Variants in GABRA1 observed in about 807,000 individuals in gnomAD.
The protein encoded by GABRA1 is gamma-aminobutyric acid type A receptor subunit alpha1, also known as gamma-aminobutyric acid receptor subunit alpha-1.
In GABRA1, 9 loss-of-function variants were observed where a neutral mutation model predicts 48.9. That is an observed-to-expected ratio of 0.18 (90% CI 0.11 to 0.32). The LOEUF is 0.32. Ranked by LOEUF, GABRA1 falls within the 10% of genes least tolerant of loss-of-function variation. The pLI is 1.00. For missense variants in GABRA1, 285 were observed against 553.8 expected (o/e 0.51, Z 4.87); for synonymous variants, 210 against 198.7 (o/e 1.06, Z -0.48).
intron 6 of GABRA1, among the ~76,000 whole-genome samples, chr5:161,878,812 AG>A (rs2113400416): frequency 6.6e-6 from 1 of 152,324 alleles, no homozygotes; most frequent in Admixed American, 6.5e-5. Flanking sequence ...CCTAGGCAAA[AG>A]CTGAATCTAT....
At chr5:161,889,617 G>A (rs1013033866) in intron 7 of GABRA1, among the ~76,000 whole-genome samples, 1 of 152,066 alleles carries the variant, frequency 6.6e-6, no homozygotes, top group Non-Finnish European at 1.5e-5. Flanking sequence ...TATTCGAAGA[G>A]ACAAGAGAAT....
At chr5:161,865,821 A>G (rs1395902751) in intron 4 of GABRA1, 33 bp downstream of exon 4, 3 of 1,579,264 alleles carry the variant, frequency 1.9e-6, no homozygotes, top group Middle Eastern at 1.7e-4. Context: ...CTTTTCTTGA[A>G]GAATTTTTAA....
Position 161,854,146 on chromosome 5 carries a change from GT to G in GABRA1, c.75-4del, listed in dbSNP as rs563768487. 2.6e-5 allele frequency: 36 copies of G among 1,389,872 alleles called. No individual in the cohort carries two copies. Among genetic ancestry groups the G allele is most frequent in the Middle Eastern group, 1.8e-4 (1 of 5,654 alleles). The allele number at this position is 1,389,872 out of a possible 1,614,324, so 86.1% of individuals were successfully genotyped here. On this transcript the variant is annotated splice_polypyrimidine_tract_variant and intron_variant, in intron 2 of 9. Transcript: ENST00000393943. The stretch of plus-strand genomic sequence containing the variant: ...TAATTTAGCTATTGCTTCTCTTTAT[GT>G]TTTTTTTCAGCTATGGACAGCCGTC...
intron 3 of GABRA1, among the ~76,000 whole-genome samples, chr5:161,856,618 T>C (rs1346817412): frequency 1.3e-5 from 2 of 148,342 alleles, no homozygotes; most frequent in East Asian, 4.0e-4. Context: ...TTTAGTACAC[T>C]TAAATGTGAT....
chr5:161,882,037 T>C (rs1186524929), intron 6 of GABRA1: 2 of 157,118 alleles, frequency 1.3e-5, no homozygotes, highest in African/African-American at 2.4e-5. Flanking sequence ...AGTTTGTCTA[T>C]TGGACAAACT....
At chr5:161,869,223 C>T (rs1056608860) in intron 4 of GABRA1, among the ~76,000 whole-genome samples, 7 of 152,138 alleles carry the variant, frequency 4.6e-5, no homozygotes, top group African/African-American at 7.2e-5. Flanking sequence ...AATTAATCTA[C>T]GTTAATAACA....
At chr5:161,877,958 A>G (rs1302840410) in intron 6 of GABRA1, among the ~76,000 whole-genome samples, 1 of 152,170 alleles carries the variant, frequency 6.6e-6, no homozygotes, top group East Asian at 1.9e-4. Flanking sequence ...CAGTCTCACC[A>G]GTCTTGTTGA....
intron 8 of GABRA1, among the ~76,000 whole-genome samples, chr5:161,893,630 T>C (rs112137891): frequency 6.1e-4 from 93 of 152,322 alleles, no homozygotes; most frequent in African/African-American, 2.0e-3. Context: ...TGGTTTTCCA[T>C]GCTGTCTCTC....
At chr5:161,874,081 T>A (rs1232101146) in intron 5 of GABRA1, among the ~76,000 whole-genome samples, 1 of 152,040 alleles carries the variant, frequency 6.6e-6, no homozygotes, top group Non-Finnish European at 1.5e-5. Flanking sequence ...TATTCCCAGA[T>A]GACTTGTTAG....
chr5:161,854,907 GTAAA>G (rs2113310085), intron 3 of GABRA1, among the ~76,000 whole-genome samples: 1 of 151,590 alleles, frequency 6.6e-6, no homozygotes, highest in Non-Finnish European at 1.5e-5. Context: ...AACAATAAGA[GTAAA>G]TAGTTCTAGG....
intron 7 of GABRA1, among the ~76,000 whole-genome samples, chr5:161,886,870 T>C (rs1181851013): frequency 6.6e-6 from 1 of 152,140 alleles, no homozygotes; most frequent in Non-Finnish European, 1.5e-5. Context: ...TTCTACTTGA[T>C]GTGTCAAGGG....
At position 161,895,784 on chromosome 5, in the gene GABRA1, C is replaced by T; in HGVS notation, c.975C>T (p.Phe325=). ...TTGCCGTGTGCTATGCCTTTGTGTTCTCAGCTCTGATTGAGTTTGCCACAG... is the reference window on the plus strand; with the variant it reads ...TTGCCGTGTGCTATGCCTTTGTGTTTTCAGCTCTGATTGAGTTTGCCACAG... The part of the protein sequence containing the change: ...WFIAVCYAFV[F]SALIEFATVN... Residue 325 remains phenylalanine (F), a synonymous_variant, in exon 9 of 10, where the codon TTC becomes TTT. Coordinates refer to ENST00000393943, the MANE Select transcript of GABRA1 (RefSeq NM_001127644.2). The T allele has an allele frequency of 6.2e-7, 1 of 1,613,942 alleles. No homozygotes were observed. The highest frequency in any genetic ancestry group is 8.5e-7 in the Non-Finnish European group (1 of 1,179,944).
intron 8 of GABRA1, among the ~76,000 whole-genome samples, chr5:161,892,212 AGGTT>A (rs1264722002): frequency 6.6e-6 from 1 of 152,214 alleles, no homozygotes; most frequent in African/African-American, 2.4e-5. Flanking sequence ...GCAATTATCA[AGGTT>A]CATTCCACAA....
chr5:161,855,672 G>C (rs912801650), intron 3 of GABRA1, among the ~76,000 whole-genome samples: 15 of 151,194 alleles, frequency 9.9e-5, no homozygotes, highest in African/African-American at 1.2e-4. Context: ...TAAAATTTGC[G>C]ATAAATTACA....
intron 6 of GABRA1, among the ~76,000 whole-genome samples, chr5:161,879,216 C>T (rs932525224): frequency 1.3e-5 from 2 of 152,140 alleles, no homozygotes; most frequent in Admixed American, 1.3e-4. Flanking sequence ...TCAAGTGGTC[C>T]TCGTACCTCA....
intron 6 of GABRA1, 83 bp downstream of exon 6, chr5:161,875,725 G>A: frequency 3.0e-6 from 3 of 995,800 alleles, no homozygotes; most frequent in East Asian, 4.8e-5. Context: ...AAAACGCGTA[G>A]ATAAGGGAAT....
In GABRA1 at chr5:161,882,608, C is replaced by T; in HGVS notation, c.610C>T (p.Arg204Cys). 1.2e-6 allele frequency: 2 copies of T among 1,613,212 alleles called. No homozygotes were observed. The highest frequency in any genetic ancestry group is 8.5e-7 in the Non-Finnish European group (1 of 1,179,354). ...VVYEWTREPA[R>C]SVVVAEDGSR... ...TTATGAATGGACCAGAGAGCCAGCACGCTCAGTGGTTGTAGCAGAAGATGG... is the reference window on the plus strand; with the variant it reads ...TTATGAATGGACCAGAGAGCCAGCATGCTCAGTGGTTGTAGCAGAAGATGG... The change falls in exon 7 of 10, where the codon CGC becomes TGC. Residue 204 changes from arginine to cysteine, a missense_variant. Coordinates refer to ENST00000393943, the MANE Select transcript of GABRA1 (RefSeq NM_001127644.2).
chr5:161,880,918 G>T (rs1754587498), intron 6 of GABRA1, among the ~76,000 whole-genome samples: 1 of 152,150 alleles, frequency 6.6e-6, no homozygotes, highest in Admixed American at 6.6e-5. Flanking sequence ...TGGGGATTGG[G>T]TCAAACAGAG....
chr5:161,888,346 A>C (rs1230024786), intron 7 of GABRA1, among the ~76,000 whole-genome samples: 1 of 152,068 alleles, frequency 6.6e-6, no homozygotes, highest in Admixed American at 6.6e-5. Context: ...AGTTTGTGCC[A>C]ACACTCTTAA....
Sources: gnomAD v4.1 joint callset for allele counts (sites outside exome capture counted in the v4.1 genomes callset) on GRCh38, gnomAD v4.1.1 for gene constraint, MANE v1.5 for transcripts, NCBI Gene and HGNC (gene_info 2026-07-23, HGNC 2026-07-21) for gene names.